The following TENM3 variants were observed in gnomAD, a reference collection of about 807,000 sequenced individuals.
TENM3 encodes teneurin-3.
In TENM3, 63 loss-of-function variants were observed where a neutral mutation model predicts 255.1. The ratio of observed to expected loss-of-function variants is 0.25; its 90% CI spans 0.20 to 0.30. The LOEUF is 0.30. Ranked by LOEUF, TENM3 falls within the 10% of genes least tolerant of loss-of-function variation. The probability of loss-of-function intolerance (pLI) is 1.00; values close to 1 mark genes in which losing one functional copy is unlikely to be tolerated. For missense variants in TENM3, 2,929 were observed against 3,461.1 expected, an observed-to-expected ratio of 0.85 and a Z score of 3.86; for synonymous variants, 1,306 against 1,322.3, an observed-to-expected ratio of 0.99 and a Z score of 0.27.
chr4:181,739,754 C>T, the TENM3 span, among the ~76,000 whole-genome samples: 1 of 152,114 alleles, frequency 6.6e-6, no homozygotes, highest in East Asian at 1.9e-4. Flanking sequence ...GAAGACAGTT[C>T]TTTGCTTCAG....
At chr4:181,919,374 G>GGTGTGTGTGTGTGTGTGTGTGTGTGTGT in the TENM3 span, among the ~76,000 whole-genome samples, 389 of 146,826 alleles carry the variant, frequency 2.6e-3, 8 homozygotes, top group South Asian at 8.3e-3. Context: ...AAGCAAAGCA[G>GGTGTGTGTGTGTGTGTGTGTGTGTGTGT]GTGTGTGTGT....
chr4:181,684,039 A>G, the TENM3 span, among the ~76,000 whole-genome samples: 8 of 152,196 alleles, frequency 5.3e-5, no homozygotes, highest in East Asian at 1.3e-3. Context: ...TGTAGGTGGG[A>G]GAAGGACGGC....
At chr4:181,693,937 C>A in the TENM3 span, among the ~76,000 whole-genome samples, 4 of 152,084 alleles carry the variant, frequency 2.6e-5, no homozygotes, top group Non-Finnish European at 4.4e-5. Context: ...TGGGGGTGAT[C>A]AGAGTGTAAT....
intron 1 of TENM3, among the ~76,000 whole-genome samples, chr4:182,260,314 T>C (rs1343729458): frequency 6.6e-5 from 10 of 152,312 alleles, no homozygotes; most frequent in African/African-American, 2.4e-4. Flanking sequence ...GGAACCTCCA[T>C]ATAGTTTTCC....
At chr4:181,632,248 T>C in the TENM3 span, among the ~76,000 whole-genome samples, 29 of 152,216 alleles carry the variant, frequency 1.9e-4, 1 homozygote, top group African/African-American at 5.8e-4. Context: ...AGTGCCACAC[T>C]TTTAAACCGT....
intron 1 of TENM3, among the ~76,000 whole-genome samples, chr4:182,213,453 C>T (rs1755190503): frequency 1.3e-5 from 2 of 152,152 alleles, no homozygotes. Context: ...CATCATACCC[C>T]AAAAGGTGTA....
At chr4:182,191,766 C>T (rs1753539118) in intron 1 of TENM3, among the ~76,000 whole-genome samples, 1 of 152,114 alleles carries the variant, frequency 6.6e-6, no homozygotes, top group African/African-American at 2.4e-5. Flanking sequence ...GATCTAAAGC[C>T]CTTTTTACTG....
chr4:182,327,569 A>G (rs1763493988), intron 2 of TENM3, among the ~76,000 whole-genome samples: 1 of 152,170 alleles, frequency 6.6e-6, no homozygotes, highest in Admixed American at 6.5e-5. Flanking sequence ...TGTTAATTAC[A>G]TGTTATATTT....
At chr4:181,873,458 A>G in the TENM3 span, among the ~76,000 whole-genome samples, 4 of 152,138 alleles carry the variant, frequency 2.6e-5, no homozygotes, top group Admixed American at 6.5e-5. Flanking sequence ...TTTTATCATC[A>G]TTTAACTCAA....
chr4:181,629,967 T>C, the TENM3 span, among the ~76,000 whole-genome samples: 2 of 152,232 alleles, frequency 1.3e-5, no homozygotes, highest in Non-Finnish European at 2.9e-5. Context: ...CGTCTGGTCC[T>C]GGACTTTTTT....
chr4:181,478,888 T>C, the TENM3 span, among the ~76,000 whole-genome samples: 4 of 152,296 alleles, frequency 2.6e-5, no homozygotes, highest in African/African-American at 9.6e-5. Flanking sequence ...CCTGAGAGAA[T>C]AGAATTGAAA....
At chr4:181,891,799 CTT>C in the TENM3 span, among the ~76,000 whole-genome samples, 8 of 152,108 alleles carry the variant, frequency 5.3e-5, no homozygotes, top group Non-Finnish European at 1.0e-4. Context: ...CTTTGCCTAA[CTT>C]TTTGTTAGGA....
chr4:181,708,372 C>G, the TENM3 span, among the ~76,000 whole-genome samples: 2 of 152,048 alleles, frequency 1.3e-5, no homozygotes, highest in Non-Finnish European at 2.9e-5. Context: ...CCAGATTAGA[C>G]AAACTGGTAC....
chr4:182,214,481 T>C (rs1263205865), intron 1 of TENM3, among the ~76,000 whole-genome samples: 2 of 151,924 alleles, frequency 1.3e-5, no homozygotes, highest in Non-Finnish European at 2.9e-5. Context: ...ATAATTAATC[T>C]TTACCTTTAG....
chr4:182,711,942 G>A (rs1313587909), intron 12 of TENM3, among the ~76,000 whole-genome samples: 1 of 151,852 alleles, frequency 6.6e-6, no homozygotes, highest in East Asian at 1.9e-4. Flanking sequence ...TCAGCTTAAT[G>A]AGCTTTAAAT....
In TENM3 at chr4:182,765,497, C is replaced by T. The variant is rs908015469; in HGVS notation, c.4893-7975C>T. 3.3e-5 allele frequency among the ~76,000 whole-genome samples: 5 copies of T among 152,154 alleles called. No homozygotes were observed. In the East Asian group the frequency reaches 9.6e-4, roughly 29 times the overall value. On this transcript the variant is annotated intron_variant, in intron 22 of 27. Transcript: ENST00000511685. ...TGCTCCTTAACTGCCCAAATGTGGC[C>T]ATTCCTCTGCCTCCCCTTACTTCTT...
At chr4:182,561,548 TTG>T (rs1743185311) in intron 3 of TENM3, among the ~76,000 whole-genome samples, 1 of 152,090 alleles carries the variant, frequency 6.6e-6, no homozygotes, top group Admixed American at 6.6e-5. Context: ...TTCTGTAGTT[TTG>T]TTTTTTCTAA....
intron 1 of TENM3, among the ~76,000 whole-genome samples, chr4:182,224,968 G>A (rs1694439408): frequency 6.6e-6 from 1 of 151,996 alleles, no homozygotes; most frequent in African/African-American, 2.4e-5. Flanking sequence ...TCCTGATCTC[G>A]TGATCTGCCC....
intron 6 of TENM3, among the ~76,000 whole-genome samples, chr4:182,668,455 G>A (rs922071345): frequency 9.9e-5 from 15 of 152,006 alleles, no homozygotes; most frequent in East Asian, 3.9e-4. Flanking sequence ...TGACCCCCAC[G>A]GGTACTAGAA....
Sources: gnomAD v4.1 joint callset for allele counts (sites outside exome capture counted in the v4.1 genomes callset) on GRCh38, gnomAD v4.1.1 for gene constraint, MANE v1.5 for transcripts, NCBI Gene and HGNC (gene_info 2026-07-23, HGNC 2026-07-21) for gene names.